RUNX1: variants seen among roughly 807,000 people sequenced by gnomAD.
RUNX1 encodes RUNX family transcription factor 1, also known as runt-related transcription factor 1.
In RUNX1, 19 loss-of-function variants were observed where a neutral mutation model predicts 42.8. That is an observed-to-expected ratio of 0.44 (90% confidence interval 0.31 to 0.65). RUNX1 has a LOEUF of 0.65. Ranked by LOEUF, RUNX1 falls within the 30% of genes least tolerant of loss-of-function variation. The pLI is 0.07. For synonymous variants in RUNX1, 271 were observed against 289.4 expected (o/e 0.94, Z 0.64); for missense variants, 528 against 672.0 (o/e 0.79, Z 2.37).
chr21:35,026,019 T>C (rs1018376953), intron 2 of RUNX1, among the ~76,000 whole-genome samples: 1 of 151,842 alleles, frequency 6.6e-6, no homozygotes, highest in South Asian at 2.1e-4. Context: ...GCCCCAACAA[T>C]GATGGAGACT....
chr21:35,020,389 A>T (rs1425699527), intron 2 of RUNX1, among the ~76,000 whole-genome samples: 1 of 152,188 alleles, frequency 6.6e-6, no homozygotes, highest in Non-Finnish European at 1.5e-5. Context: ...GATCACCCTC[A>T]TGGAGAAAGT....
intron 2 of RUNX1, among the ~76,000 whole-genome samples, chr21:34,963,006 T>G (rs1327573236): frequency 6.6e-6 from 1 of 152,176 alleles, no homozygotes; most frequent in Non-Finnish European, 1.5e-5. Flanking sequence ...TTGTTCTCAA[T>G]GAGTTTTAAA....
chr21:34,788,111 C>G lies in RUNX1; in HGVS notation c.*4024G>C, dbSNP rs1434516954. The G allele has an allele frequency of 4.3e-6, 1 of 233,146 alleles. No individual in the cohort carries two copies. Among genetic ancestry groups the G allele is most frequent in the Non-Finnish European group, 8.5e-6 (1 of 118,052 alleles). 14.4% of individuals were successfully genotyped at this position (233,146 alleles called of 1,614,324 possible). On this transcript the variant is annotated 3_prime_UTR_variant, in exon 9 of 9. Transcript: ENST00000675419. ...CTGAAGACACCAGCTTGACAGTTCC[C>G]CTTTAAGAAGCATTCCATACGTTTG...
chr21:34,889,540 C>T (rs1412906986), intron 3 of RUNX1: 5 of 459,512 alleles, frequency 1.1e-5, no homozygotes, highest in African/African-American at 2.1e-5. Context: ...GGCTTGCTCC[C>T]GGGCCTTGTA....
At chr21:34,841,899 A>G (rs1420112673) in intron 6 of RUNX1, among the ~76,000 whole-genome samples, 1 of 152,224 alleles carries the variant, frequency 6.6e-6, no homozygotes, top group Non-Finnish European at 1.5e-5. Context: ...GTCTGCACCC[A>G]TGGGACTGTA....
chr21:35,013,266 GA>G (rs528516548), intron 2 of RUNX1, among the ~76,000 whole-genome samples: 79 of 152,248 alleles, frequency 5.2e-4, no homozygotes, highest in African/African-American at 1.8e-3. Context: ...TTGCAGCAAA[GA>G]AAAAAAGTCT....
intron 2 of RUNX1, among the ~76,000 whole-genome samples, chr21:35,022,127 G>T (rs1232623143): frequency 6.6e-6 from 1 of 152,240 alleles, no homozygotes; most frequent in Non-Finnish European, 1.5e-5. Context: ...CTAACATGTA[G>T]CTGAGAGCGG....
chr21:35,018,067 C>A (rs1290389190), intron 2 of RUNX1, among the ~76,000 whole-genome samples: 1 of 152,022 alleles, frequency 6.6e-6, no homozygotes, highest in Non-Finnish European at 1.5e-5. Context: ...ACTCTGTTAC[C>A]CAGGCTGGAG....
intron 2 of RUNX1, among the ~76,000 whole-genome samples, chr21:34,908,254 G>T (rs2058240922): frequency 6.6e-6 from 1 of 152,114 alleles, no homozygotes; most frequent in Non-Finnish European, 1.5e-5. Flanking sequence ...AAATTCTCAA[G>T]AAATAATGCA....
rs76558016 is a variant in RUNX1 at position 34,887,011 on chromosome 21, C to T, written c.183G>A (p.Pro61=). 1,207 of 1,602,878 alleles carry T rather than the reference C, an allele frequency of 7.5e-4. 19 individuals carry two copies. The African/African-American group carries it at 0.015, about 19-fold the overall frequency. ...TGCCGGCCAGGGCAGCGCCGGCGTC[C>T]GGGGCGCCCAGCGGCAACGCCTCGC... The part of the protein sequence containing the change: ...KMSEALPLGA[P]DAGAALAGKL... Residue 61 remains proline, a synonymous_variant, in exon 4 of 9, where the codon CCG becomes CCA. Coordinates refer to ENST00000675419, the MANE Select transcript of RUNX1 (RefSeq NM_001754.5).
chr21:34,793,706 C>CTTTT (rs35219772), intron 8 of RUNX1, among the ~76,000 whole-genome samples: 2 of 144,690 alleles, frequency 1.4e-5, no homozygotes, highest in Admixed American at 1.4e-4. Flanking sequence ...AATATTTATT[C>CTTTT]TTTTTTTTTT....
rs961143587 is a variant in RUNX1, at chr21:34,890,587, C to T, written c.97+2338G>A. Among the ~76,000 whole-genome samples the T allele has an allele frequency of 2.4e-4, 36 of 152,192 alleles. 1 individual carries two copies. The highest frequency in any genetic ancestry group is 1.0e-4 in the Non-Finnish European group (7 of 68,026). On this transcript the variant is annotated intron_variant, in intron 3 of 8. Transcript: ENST00000675419. ...AAGGCGGGCGGCCCGCGGCCTCAAC[C>T]CTCTCCGCCTCCGCTCCCCCTGGGC... is the stretch of plus-strand genomic sequence containing the variant.
chr21:34,833,356 G>T (rs1197132229), intron 7 of RUNX1: 2 of 152,192 alleles, frequency 1.3e-5, no homozygotes, highest in African/African-American at 2.4e-5. Context: ...CGCCCGCCTT[G>T]GCCTCCCAAA....
intron 2 of RUNX1, among the ~76,000 whole-genome samples, chr21:35,014,118 T>G (rs1215030279): frequency 6.6e-6 from 1 of 152,194 alleles, no homozygotes; most frequent in Non-Finnish European, 1.5e-5. Context: ...TTAAGGTTGC[T>G]CCAATGAACT....
chr21:34,964,412 C>T (rs536224729), intron 2 of RUNX1, among the ~76,000 whole-genome samples: 314 of 151,122 alleles, frequency 2.1e-3, no homozygotes, highest in African/African-American at 7.1e-3. Flanking sequence ...CGCTTGAACC[C>T]GGGAGGCAGA....
intron 2 of RUNX1, among the ~76,000 whole-genome samples, chr21:35,024,119 A>T (rs1179773498): frequency 6.6e-6 from 1 of 152,176 alleles, no homozygotes; most frequent in Non-Finnish European, 1.5e-5. Flanking sequence ...ATGTTTGTTT[A>T]CGTTCTGGTC....
rs1157495777 is a variant in RUNX1, at chr21:34,886,975, G to C, written c.219C>G (p.Ser73Arg). ...AGAALAGKLR[S>R]GDRSMVEVLA... ...GCACCTCCACCATGCTGCGGTCGCC[G>C]CTCCTCAGCTTGCCGGCCAGGGCAG... The change falls in exon 4 of 9, where the codon AGC becomes AGG. Residue 73 changes from serine to arginine, a missense_variant. Ser to Arg is a moderately radical substitution (Grantham distance 110). Transcript: ENST00000675419. 1.2e-6 allele frequency: 2 copies of C among 1,609,404 alleles called. No individual in the cohort carries two copies. The highest frequency in any genetic ancestry group is 1.7e-6 in the Non-Finnish European group (2 of 1,178,998).
chr21:34,860,859 C>T (rs529595158), intron 5 of RUNX1, among the ~76,000 whole-genome samples: 74 of 152,280 alleles, frequency 4.9e-4, no homozygotes, highest in African/African-American at 1.6e-3. Flanking sequence ...CAGCAAGCCA[C>T]GATTCCTAAT....
At chr21:34,997,484 G>C (rs1042333188) in intron 2 of RUNX1, among the ~76,000 whole-genome samples, 1 of 152,244 alleles carries the variant, frequency 6.6e-6, no homozygotes, top group African/African-American at 2.4e-5. Context: ...TGGAACACCA[G>C]ATAGCCGGAG....
Sources: allele counts gnomAD v4.1 joint callset (sites outside exome capture counted in the v4.1 genomes callset), GRCh38; gene constraint gnomAD v4.1.1; transcripts MANE v1.5; gene names NCBI Gene and HGNC (gene_info 2026-07-23, HGNC 2026-07-21).